The following PKD2L1 variants were observed in gnomAD, a reference collection of about 807,000 sequenced individuals.
PKD2L1 encodes polycystin-2-like protein 1.
Under a neutral mutation model 93.0 loss-of-function variants are expected in PKD2L1, and 77 were observed. The observed-to-expected ratio is 0.83, with a 90% CI of 0.69 to 1.00. The LOEUF (loss-of-function observed/expected upper bound fraction) is 1.00. PKD2L1 is among the 50% of genes least tolerant of loss of function. PKD2L1 has a pLI of 0.00. For synonymous variants in PKD2L1, 390 were observed against 388.0 expected, an observed-to-expected ratio of 1.01 and a Z score of -0.06; for missense variants, 977 against 990.9, an observed-to-expected ratio of 0.99 and a Z score of 0.19.
intron 15 of PKD2L1, 104 bp downstream of exon 15, chr10:100,288,868 A>C: frequency 1.5e-6 from 1 of 683,090 alleles, no homozygotes; most frequent in Non-Finnish European, 2.5e-6. Context: ...AGCAGCCATG[A>C]TGGGACCTGT....
intron 2 of PKD2L1, among the ~76,000 whole-genome samples, chr10:100,317,431 T>C (rs1196522023): frequency 6.6e-6 from 1 of 152,088 alleles, no homozygotes; most frequent in East Asian, 1.9e-4. Flanking sequence ...CCCAGCTACT[T>C]GGGAGGCTGA....
In PKD2L1 at chr10:100,330,196, A is replaced by G. The variant is rs1849476729; in HGVS notation, c.-93T>C. Reference sequence around the variant, plus strand: ...GCACAGCCCAGCCTAGCCAGCAGAGAGCAAATGGAAAGGCGTCTGAGAGCA... The same window carrying G: ...GCACAGCCCAGCCTAGCCAGCAGAGGGCAAATGGAAAGGCGTCTGAGAGCA... On this transcript the variant is annotated 5_prime_UTR_variant, in exon 1 of 16. Transcript: ENST00000318222. The G allele has an allele frequency of 1.3e-6, 1 of 763,040 alleles. No homozygotes were observed. Among genetic ancestry groups the G allele is most frequent in the Admixed American group, 2.7e-5 (1 of 37,088 alleles). The allele number at this position is 763,040 out of a possible 1,614,324, so 47.3% of individuals were successfully genotyped here.
At chr10:100,326,782 G>A (rs1849388776) in intron 2 of PKD2L1, among the ~76,000 whole-genome samples, 2 of 152,148 alleles carry the variant, frequency 1.3e-5, no homozygotes, top group African/African-American at 4.8e-5. Context: ...AATTGCTTGA[G>A]GGCCCTCAGA....
chr10:100,329,356 T>C (rs745395189), intron 1 of PKD2L1, 32 bp from the exon 2 acceptor site: 1 of 1,613,976 alleles, frequency 6.2e-7, no homozygotes, highest in Non-Finnish European at 8.5e-7. Flanking sequence ...CCTGGGATGC[T>C]CAGTGGCAGT....
At chr10:100,297,913 T>C (rs138295671) in intron 4 of PKD2L1, among the ~76,000 whole-genome samples, 27 of 152,060 alleles carry the variant, frequency 1.8e-4, no homozygotes, top group Non-Finnish European at 3.2e-4. Flanking sequence ...GAAACTCAAA[T>C]GTAAATCTGA....
At chr10:100,293,244 G>A (rs1206436453) in intron 10 of PKD2L1, 37 bp downstream of exon 10, 2 of 1,538,732 alleles carry the variant, frequency 1.3e-6, no homozygotes, top group Admixed American at 1.7e-5. Context: ...CTGGGGCACT[G>A]ATGGAAATGT....
Position 100,321,735 on chromosome 10 carries a change from GAAAGAAAGAAAGAAAGAAAGA to G in PKD2L1, c.349+7455_349+7475del, listed in dbSNP as rs1564894451. Among the ~76,000 whole-genome samples the G allele has an allele frequency of 1.1e-3, 10 of 9,374 alleles. 2 individuals carry two copies. The highest frequency in any genetic ancestry group is 1.4e-3 in the Non-Finnish European group (6 of 4,376). The allele number at this position is 9,374 out of a possible 152,430, so 6.1% of individuals were successfully genotyped here. ...AGAAAGAAAGAAAGAAAGAAAGAAAGAAAGAAAGAAAGAAAGAAAGAAGGGAGGGAGGGAGGGAGGGAGGGA... is the reference window on the plus strand; with the variant it reads ...AGAAAGAAAGAAAGAAAGAAAGAAAGAGGGAGGGAGGGAGGGAGGGAGGGA... On this transcript the variant is annotated intron_variant, in intron 2 of 15. Coordinates refer to ENST00000318222, the MANE Select transcript of PKD2L1 (RefSeq NM_016112.3).
chr10:100,299,921 C>T lies in PKD2L1; in HGVS notation c.350-203G>A, dbSNP rs554832836. Reference sequence around the variant, plus strand: ...GGAAAGGGTTGTAGCTACAATGTCTCCTCCTCTTCTTCCAACCCACCTCAG... The same window carrying T: ...GGAAAGGGTTGTAGCTACAATGTCTTCTCCTCTTCTTCCAACCCACCTCAG... On this transcript the variant is annotated intron_variant, in intron 2 of 15. Coordinates refer to ENST00000318222, the MANE Select transcript of PKD2L1 (RefSeq NM_016112.3). Among the ~76,000 whole-genome samples the T allele has an allele frequency of 2.6e-5, 4 of 152,290 alleles. No homozygotes were observed. The South Asian group carries it at 6.2e-4, about 24-fold the overall frequency.
At chr10:100,305,743 G>A (rs546590570) in intron 2 of PKD2L1, among the ~76,000 whole-genome samples, 9 of 152,232 alleles carry the variant, frequency 5.9e-5, no homozygotes, top group Admixed American at 2.0e-4. Context: ...GAGGCTGCAG[G>A]AATCTGAATC....
At chr10:100,294,823 A>G (rs756772484) in intron 8 of PKD2L1, 119 bp downstream of exon 8, 123 of 1,300,598 alleles carry the variant, frequency 9.5e-5, no homozygotes, top group Non-Finnish European at 1.2e-4. Flanking sequence ...AGACCCTCAC[A>G]CAGATGCTTT....
chr10:100,325,906 G>GT (rs1218595451), intron 2 of PKD2L1, among the ~76,000 whole-genome samples: 1 of 152,146 alleles, frequency 6.6e-6, no homozygotes, highest in Non-Finnish European at 1.5e-5. Context: ...GATAAGAGAG[G>GT]TTAGCAAACT....
Position 100,294,802 on chromosome 10 carries a change from AG to A in PKD2L1, c.1538+139del. ...CTTAGATTATTTAAGCACACACACC[AG>A]GGCTTCTGGAGACCCTCACACAGAT... On this transcript the variant is annotated intron_variant, in intron 8 of 15. Coordinates refer to ENST00000318222, the MANE Select transcript of PKD2L1 (RefSeq NM_016112.3). The A allele has an allele frequency of 3.0e-6, 4 of 1,338,504 alleles. No homozygotes were observed. In the Admixed American group the frequency reaches 7.5e-5, roughly 25 times the overall value. 82.9% of individuals were successfully genotyped at this position (1,338,504 alleles called of 1,614,324 possible).
intron 2 of PKD2L1, among the ~76,000 whole-genome samples, chr10:100,326,102 T>G (rs1268863565): frequency 1.3e-5 from 2 of 152,208 alleles, no homozygotes; most frequent in African/African-American, 4.8e-5. Flanking sequence ...TCTCCCCTAC[T>G]CAACTTTCCC....
chr10:100,299,589 A>T lies in PKD2L1; in HGVS notation c.477+2T>A, dbSNP rs747401902. The T allele has an allele frequency of 1.2e-6, 2 of 1,613,738 alleles. No homozygotes were observed. The highest frequency in any genetic ancestry group is 1.7e-6 in the Non-Finnish European group (2 of 1,179,662). On this transcript the variant is annotated splice_donor_variant, in intron 3 of 15. Coordinates refer to ENST00000318222, the MANE Select transcript of PKD2L1 (RefSeq NM_016112.3). LOFTEE classifies it high-confidence loss of function. ...GAGGGGTAGAAAAGATCTTATACTC[A>T]CATCCCAGAAGTCCGCCATGCTGCT...
intron 7 of PKD2L1, 42 bp downstream of exon 7, chr10:100,296,080 A>T: frequency 6.8e-7 from 1 of 1,461,760 alleles, no homozygotes; most frequent in Non-Finnish European, 9.4e-7. Context: ...AGGGAGAATG[A>T]GTGCGCCTTG....
chr10:100,323,659 T>C (rs1204337540), intron 2 of PKD2L1, among the ~76,000 whole-genome samples: 2 of 152,232 alleles, frequency 1.3e-5, no homozygotes, highest in African/African-American at 4.8e-5. Flanking sequence ...ATATCCATCA[T>C]CTCAAATGTT....
In PKD2L1 at chr10:100,297,521, C is replaced by T. The variant is rs750067906; in HGVS notation, c.817G>A (p.Asp273Asn). Residue 273 changes from aspartate (D) to asparagine (N), a missense_variant, in exon 5 of 16, where the codon GAC becomes AAC. Asp to Asn is a conservative substitution (Grantham distance 23). Coordinates refer to ENST00000318222, the MANE Select transcript of PKD2L1 (RefSeq NM_016112.3). ...CTACCCTGTCGGGATCCTGGAAGGT[C>T]CAGGTAGTAGCCACCTCCGCTGTAG... ...TSYSGGGYYL[D>N]LPGSRQGSAE... 4 of 1,614,112 alleles carry T rather than the reference C, an allele frequency of 2.5e-6. No homozygotes were observed. The South Asian group carries it at 4.4e-5, about 18-fold the overall frequency.
chr10:100,323,337 C>T (rs1025205929), intron 2 of PKD2L1, among the ~76,000 whole-genome samples: 27 of 152,194 alleles, frequency 1.8e-4, no homozygotes, highest in African/African-American at 6.5e-4. Flanking sequence ...GGCACGATCT[C>T]GGCTCACTGC....
At chr10:100,289,904 G>A (rs1848366384) in intron 14 of PKD2L1, 111 bp downstream of exon 14, 2 of 1,207,168 alleles carry the variant, frequency 1.7e-6, no homozygotes, top group Non-Finnish European at 2.4e-6. Flanking sequence ...GTTTCCCCAG[G>A]AGCCTGAAAA....
Sources: allele counts gnomAD v4.1 joint callset (sites outside exome capture counted in the v4.1 genomes callset), GRCh38; gene constraint gnomAD v4.1.1; transcripts MANE v1.5; gene names NCBI Gene and HGNC (gene_info 2026-07-23, HGNC 2026-07-21).